Variants in FHIP2A observed in about 807,000 individuals in gnomAD.
FHIP2A encodes family with sequence similarity 160 member B1.
In FHIP2A, 46 loss-of-function variants were observed where a neutral mutation model predicts 93.5. That is an observed-to-expected ratio of 0.49 (90% CI 0.39 to 0.63). The LOEUF is 0.63. FHIP2A is among the 20% of genes least tolerant of loss of function. The pLI is 0.00. For synonymous variants in FHIP2A, 332 were observed against 326.5 expected (o/e 1.02, Z -0.18); for missense variants, 769 against 909.7 (o/e 0.85, Z 1.99).
At chr10:114,822,254 C>T (rs2083532073) in intron 1 of FHIP2A, 131 bp downstream of exon 1, 2 of 378,688 alleles carry the variant, frequency 5.3e-6, no homozygotes, top group South Asian at 2.3e-4. Flanking sequence ...GGGGTGAGGC[C>T]CCAGGCGGGC....
chr10:114,867,401 T>G (rs7094072), downstream of FHIP2A, among the ~76,000 whole-genome samples: 48,361 of 151,960 alleles, frequency 0.32, 8,279 homozygotes, highest in Non-Finnish European at 0.39. Context: ...TTGTGATTTA[T>G]GATCTCTTTC....
rs1359143088 is a variant in FHIP2A at position 114,863,625 on chromosome 10, C to T, written c.*2085C>T. The T allele has an allele frequency of 1.6e-6, 2 of 1,277,416 alleles. No homozygotes were observed. Among genetic ancestry groups the T allele is most frequent in the Admixed American group, 2.6e-5 (1 of 38,214 alleles). 79.1% of individuals were successfully genotyped at this position (1,277,416 alleles called of 1,614,324 possible). ...TGTTTCTAAGTTTCTGTTTTTCATC[C>T]CTTCTTTTTTCTTTTATATTTAGTT... On this transcript the variant is annotated 3_prime_UTR_variant, in exon 17 of 17. Coordinates refer to ENST00000369248, the MANE Select transcript of FHIP2A (RefSeq NM_020940.4).
chr10:114,856,654 A>G (rs921551424), intron 14 of FHIP2A, among the ~76,000 whole-genome samples: 1 of 152,216 alleles, frequency 6.6e-6, no homozygotes, highest in East Asian at 1.9e-4. Context: ...TGAAAGATCT[A>G]CCCTGAATCT....
At chr10:114,837,570 T>A (rs1020502484) in intron 5 of FHIP2A, among the ~76,000 whole-genome samples, 1 of 152,184 alleles carries the variant, frequency 6.6e-6, no homozygotes, top group Non-Finnish European at 1.5e-5. Context: ...GATTAAGATA[T>A]AAGTTACATA....
At chr10:114,881,180 G>C (rs1404641414) in intron 16 of FHIP2A, among the ~76,000 whole-genome samples, 1 of 152,102 alleles carries the variant, frequency 6.6e-6, no homozygotes, top group Non-Finnish European at 1.5e-5. Flanking sequence ...TTATCTCTTC[G>C]CAGTGAGCGG....
At chr10:114,877,824 C>A (rs536506590) in intron 16 of FHIP2A, among the ~76,000 whole-genome samples, 6 of 152,224 alleles carry the variant, frequency 3.9e-5, no homozygotes, top group African/African-American at 1.2e-4. Context: ...AGCCCATTTT[C>A]AAATAATAAC....
chr10:114,843,298 T>A, intron 6 of FHIP2A, 72 bp downstream of exon 6: 1 of 1,022,874 alleles, frequency 9.8e-7, no homozygotes, highest in Non-Finnish European at 1.3e-6. Flanking sequence ...TTTTTTAATT[T>A]TAATTTTTAA....
intron 16 of FHIP2A, among the ~76,000 whole-genome samples, chr10:114,872,482 G>C (rs1023162230): frequency 1.3e-5 from 2 of 152,172 alleles, no homozygotes; most frequent in Non-Finnish European, 2.9e-5. Flanking sequence ...TTTTAGGGCT[G>C]CCATAGAGCC....
At chr10:114,822,276 C>T (rs1162430303) in intron 1 of FHIP2A, among the ~76,000 whole-genome samples, 153 bp downstream of exon 1, 1 of 151,326 alleles carries the variant, frequency 6.6e-6, no homozygotes, top group African/African-American at 2.4e-5. Context: ...CCCTGGGCGG[C>T]CGCCGGGTCG....
At chr10:114,881,624 C>A (rs1309233346) in intron 16 of FHIP2A, among the ~76,000 whole-genome samples, 1 of 152,026 alleles carries the variant, frequency 6.6e-6, no homozygotes, top group African/African-American at 2.4e-5. Context: ...TAAGGAACTT[C>A]AGAGATTTTA....
chr10:114,846,090 G>T lies in FHIP2A; in HGVS notation c.1205+1G>T, dbSNP rs1310241678. 2 of 1,613,238 alleles carry T rather than the reference G, an allele frequency of 1.2e-6. No individual in the cohort carries two copies. The highest frequency in any genetic ancestry group is 1.7e-6 in the Non-Finnish European group (2 of 1,179,620). ...TTATGGAACCTCAATTAATGCAAAC[G>T]TGAGTAGCCTGTTTTCTTTTGAAAA... On this transcript the variant is annotated splice_donor_variant, in intron 9 of 16. Transcript: ENST00000369248. LOFTEE classifies it high-confidence loss of function.
Position 114,862,052 on chromosome 10 carries a change from C to A in FHIP2A, c.*512C>A. 1 of 965,526 alleles carries A rather than the reference C, an allele frequency of 1.0e-6. No individual in the cohort carries two copies. The highest frequency in any genetic ancestry group is 1.2e-6 in the Non-Finnish European group (1 of 811,730). 59.8% of individuals were successfully genotyped at this position (965,526 alleles called of 1,614,324 possible). Reference sequence around the variant, plus strand: ...ATGAGAAAAAAATACAATTCAGAAACCATTGAATGAATTAATTATAGGCGA... The same window carrying A: ...ATGAGAAAAAAATACAATTCAGAAAACATTGAATGAATTAATTATAGGCGA... On this transcript the variant is annotated 3_prime_UTR_variant, in exon 17 of 17. Coordinates refer to ENST00000369248, the MANE Select transcript of FHIP2A (RefSeq NM_020940.4).
intron 13 of FHIP2A, among the ~76,000 whole-genome samples, chr10:114,849,172 A>G (rs975164790): frequency 1.3e-5 from 2 of 150,576 alleles, no homozygotes; most frequent in African/African-American, 4.9e-5. Context: ...TCTCTGCTAT[A>G]ACTACTTTTG....
chr10:114,827,859 G>A (rs995755397), intron 1 of FHIP2A, among the ~76,000 whole-genome samples: 1 of 151,692 alleles, frequency 6.6e-6, no homozygotes, highest in Non-Finnish European at 1.5e-5. Flanking sequence ...GGCAGGAAGA[G>A]CCTGGTCAAG....
chr10:114,895,972 C>T (rs1333816757), intron 16 of FHIP2A, among the ~76,000 whole-genome samples: 1 of 152,152 alleles, frequency 6.6e-6, no homozygotes, highest in Non-Finnish European at 1.5e-5. Context: ...CCCTTTATTG[C>T]CTGCTTTGTG....
chr10:114,874,672 T>G (rs2083875364), intron 16 of FHIP2A, among the ~76,000 whole-genome samples: 1 of 152,094 alleles, frequency 6.6e-6, no homozygotes, highest in Admixed American at 6.5e-5. Context: ...CCCGCTAATT[T>G]TTTGTGTTTT....
chr10:114,892,206 C>G (rs541262520), intron 16 of FHIP2A, among the ~76,000 whole-genome samples: 3 of 152,238 alleles, frequency 2.0e-5, no homozygotes, highest in Admixed American at 1.3e-4. Context: ...TTTCTGCAAA[C>G]CATTTTTCCA....
chr10:114,840,173 G>A (rs2083661196), intron 5 of FHIP2A, among the ~76,000 whole-genome samples: 1 of 152,098 alleles, frequency 6.6e-6, no homozygotes, highest in African/African-American at 2.4e-5. Context: ...CAGATTGCTT[G>A]AGCCCAGGAG....
At position 114,862,353 on chromosome 10, in the gene FHIP2A, C is replaced by T. The variant is rs117720324; in HGVS notation, c.*813C>T. On this transcript the variant is annotated 3_prime_UTR_variant, in exon 17 of 17. Transcript: ENST00000369248. The stretch of plus-strand genomic sequence containing the variant: ...AAGTAACATGTACTGGGTTGAGAAC[C>T]TTTTTCCCCCCTCTCCCTCTCAGAA... The T allele has an allele frequency of 3.7e-3, 3,605 of 987,202 alleles. 8 individuals are homozygous for T. The highest frequency in any genetic ancestry group is 4.1e-3 in the Non-Finnish European group (3,385 of 829,988). The allele number at this position is 987,202 out of a possible 1,614,324, so 61.2% of individuals were successfully genotyped here.
Sources: allele counts gnomAD v4.1 joint callset (sites outside exome capture counted in the v4.1 genomes callset), GRCh38; gene constraint gnomAD v4.1.1; transcripts MANE v1.5; gene names NCBI Gene and HGNC (gene_info 2026-07-23, HGNC 2026-07-21).